RIMS1: variants seen among roughly 807,000 people sequenced by gnomAD.
RIMS1 encodes regulating synaptic membrane exocytosis protein 1.
RIMS1 carries 83 observed loss-of-function variants against 214.1 expected under a neutral mutation model. The observed-to-expected ratio is 0.39, with a 90% CI of 0.32 to 0.47. RIMS1 has a LOEUF of 0.47. Ranked by LOEUF, RIMS1 falls within the 20% of genes least tolerant of loss-of-function variation. The pLI is 0.99. For missense variants in RIMS1, 2,050 were observed against 2,161.8 expected (o/e 0.95, Z 1.03); for synonymous variants, 793 against 786.8 (o/e 1.01, Z -0.13).
intron 4 of RIMS1, chr6:72,156,180 G>A: frequency 5.2e-6 from 1 of 194,132 alleles, no homozygotes; most frequent in Non-Finnish European, 1.1e-5. Flanking sequence ...CATGTTCACT[G>A]TGGTGTTATT....
At position 72,262,171 on chromosome 6, in the gene RIMS1, C is replaced by T. The variant is rs377018047; in HGVS notation, c.3116+1404C>T. On this transcript the variant is annotated intron_variant, in intron 19 of 33. Transcript: ENST00000521978. Reference sequence around the variant, plus strand: ...CACACCAGTGGTCTAAATATAATAACTAAAAATATTTTTCTTTCCCTTATT... The same window carrying T: ...CACACCAGTGGTCTAAATATAATAATTAAAAATATTTTTCTTTCCCTTATT... 24 of 963,368 alleles carry T rather than the reference C, an allele frequency of 2.5e-5. 1 individual carries two copies. In the African/African-American group the frequency reaches 3.0e-4, roughly 12 times the overall value. 59.7% of individuals were successfully genotyped at this position (963,368 alleles called of 1,614,324 possible).
intron 2 of RIMS1, among the ~76,000 whole-genome samples, chr6:72,004,471 T>G (rs1394195099): frequency 1.4e-4 from 21 of 152,122 alleles, no homozygotes; most frequent in African/African-American, 4.8e-4. Flanking sequence ...GTTGAAGTAG[T>G]TTACAGTCCC....
chr6:72,241,470 A>G lies in RIMS1; in HGVS notation c.1958-844A>G, dbSNP rs570380134. The stretch of plus-strand genomic sequence containing the variant: ...ATAAATACTTTTTTTCACGTGACCT[A>G]TGGTGTGAAAACCCTAGTTAAAATA... On this transcript the variant is annotated intron_variant, in intron 9 of 33. Transcript: ENST00000521978. 6.6e-5 allele frequency among the ~76,000 whole-genome samples: 10 copies of G among 152,232 alleles called. No individual in the cohort carries two copies. In the South Asian group the frequency reaches 2.1e-3, roughly 32 times the overall value.
rs1237700419 is a variant in RIMS1, at chr6:72,266,009, T to G, written c.3358T>G (p.Leu1120Val). The G allele has an allele frequency of 1.9e-6, 3 of 1,585,456 alleles. No individual in the cohort carries two copies. The highest frequency in any genetic ancestry group is 3.3e-4 in the Middle Eastern group (2 of 6,026). Residue 1120 changes from leucine (L) to valine (V), a missense_variant, in exon 22 of 34, where the codon TTG becomes GTG. This residue lies in a region of RIMS1 where 889 missense variants were observed against 885.5 expected (regional missense o/e 1.00). Transcript: ENST00000521978. ...GGCTAGGAGTGCTAGTACCAACTGCTTGAGACCAGATACTAGTTTGCATTC... is the reference window on the plus strand; with the variant it reads ...GGCTAGGAGTGCTAGTACCAACTGCGTGAGACCAGATACTAGTTTGCATTC... Reference protein sequence around the residue: ...DRARSASTNCLRPDTSLHSPE... With the variant: ...DRARSASTNCVRPDTSLHSPE...
At chr6:72,032,398 T>C (rs1818385149) in intron 2 of RIMS1, among the ~76,000 whole-genome samples, 1 of 152,170 alleles carries the variant, frequency 6.6e-6, no homozygotes, top group African/African-American at 2.4e-5. Context: ...ACTCACATTA[T>C]ACTGATATAT....
Position 72,290,877 on chromosome 6 carries a change from C to G in RIMS1, c.3737+16C>G. 2 of 1,609,990 alleles carry G rather than the reference C, an allele frequency of 1.2e-6. No homozygotes were observed. The highest frequency in any genetic ancestry group is 1.7e-6 in the Non-Finnish European group (2 of 1,178,308). ...TTCTGACAAGGTCGCTATTCAGTGTCCCCCTCAGCATTCATGTCCTGCCTC... is the reference window on the plus strand; with the variant it reads ...TTCTGACAAGGTCGCTATTCAGTGTGCCCCTCAGCATTCATGTCCTGCCTC... On this transcript the variant is annotated intron_variant, in intron 25 of 33. Transcript: ENST00000521978.
At chr6:71,973,658 A>G (rs1227195640) in intron 2 of RIMS1, among the ~76,000 whole-genome samples, 1 of 152,046 alleles carries the variant, frequency 6.6e-6, no homozygotes, top group African/African-American at 2.4e-5. Flanking sequence ...CTAGGAGGAG[A>G]GTTAGGTTCA....
At chr6:72,129,951 A>G (rs1267664321) in intron 4 of RIMS1, among the ~76,000 whole-genome samples, 1 of 151,986 alleles carries the variant, frequency 6.6e-6, no homozygotes, top group Admixed American at 6.6e-5. Flanking sequence ...CTTTTCTATG[A>G]CTCCTTCTTT....
chr6:72,003,423 A>G (rs1044560761), intron 2 of RIMS1, among the ~76,000 whole-genome samples: 6 of 151,942 alleles, frequency 3.9e-5, no homozygotes, highest in Non-Finnish European at 8.8e-5. Flanking sequence ...GCCTGAGTGG[A>G]TGAATACATG....
At chr6:72,122,443 T>C (rs2038590029) in intron 4 of RIMS1, among the ~76,000 whole-genome samples, 1 of 151,562 alleles carries the variant, frequency 6.6e-6, no homozygotes, top group Admixed American at 6.6e-5. Context: ...CCTGACCTCA[T>C]GATCCACCCG....
At chr6:72,303,141 A>G (rs1000947277) in intron 26 of RIMS1, among the ~76,000 whole-genome samples, 1 of 151,130 alleles carries the variant, frequency 6.6e-6, no homozygotes, top group East Asian at 1.9e-4. Flanking sequence ...CAATATTTTA[A>G]AGCAAATTAC....
intron 1 of RIMS1, among the ~76,000 whole-genome samples, chr6:71,949,322 A>G (rs553900030): frequency 6.6e-6 from 1 of 152,276 alleles, no homozygotes; most frequent in Non-Finnish European, 1.5e-5. Context: ...AAATTATATG[A>G]TTATCTTTTT....
intron 4 of RIMS1, among the ~76,000 whole-genome samples, chr6:72,100,722 G>C (rs551644274): frequency 3.3e-5 from 5 of 151,928 alleles, no homozygotes; most frequent in African/African-American, 1.2e-4. Context: ...CTTCCTCGCA[G>C]CTCATTAATC....
intron 29 of RIMS1, among the ~76,000 whole-genome samples, chr6:72,364,153 C>A (rs1462481589): frequency 6.6e-6 from 1 of 152,156 alleles, no homozygotes; most frequent in Non-Finnish European, 1.5e-5. Context: ...TTCTGGCTTT[C>A]CTGTTTTTCT....
intron 29 of RIMS1, 149 bp from the exon 30 acceptor site, chr6:72,390,449 A>G: frequency 1.1e-6 from 1 of 901,642 alleles, no homozygotes; most frequent in Non-Finnish European, 1.6e-6. Context: ...AGGAGCCTGA[A>G]TCAAGCAAAG....
chr6:72,057,726 C>T (rs2152217633), intron 2 of RIMS1, among the ~76,000 whole-genome samples: 1 of 152,178 alleles, frequency 6.6e-6, no homozygotes, highest in East Asian at 1.9e-4. Flanking sequence ...CCAGGATGGT[C>T]CCGATCTCCT....
intron 6 of RIMS1, among the ~76,000 whole-genome samples, chr6:72,218,373 C>A (rs1343935052): frequency 1.3e-5 from 2 of 152,100 alleles, no homozygotes; most frequent in Admixed American, 1.3e-4. Flanking sequence ...CTGAAGAGAG[C>A]TCCTGCCTTC....
chr6:72,141,670 A>G (rs1051759471), intron 4 of RIMS1, among the ~76,000 whole-genome samples: 5 of 152,056 alleles, frequency 3.3e-5, no homozygotes, highest in Non-Finnish European at 1.5e-5. Flanking sequence ...CACAATTTAA[A>G]TAACCCGTGA....
intron 28 of RIMS1, chr6:72,316,964 T>G (rs986345822): frequency 8.2e-6 from 5 of 608,516 alleles, no homozygotes; most frequent in Non-Finnish European, 1.6e-5. Context: ...CTAGGCTCTG[T>G]GGAGAGGGTC....
Sources: allele counts gnomAD v4.1 joint callset (sites outside exome capture counted in the v4.1 genomes callset), GRCh38; gene constraint gnomAD v4.1.1; regional missense constraint gnomAD v4.1.1; transcripts MANE v1.5; gene names NCBI Gene and HGNC (gene_info 2026-07-23, HGNC 2026-07-21).